LOXL3: variants seen among roughly 807,000 people sequenced by gnomAD.
LOXL3 encodes lysyl oxidase like 3.
Under a neutral mutation model 91.8 loss-of-function variants are expected in LOXL3, and 60 were observed. The observed-to-expected ratio is 0.65, with a 90% CI of 0.53 to 0.81. The LOEUF is 0.81. LOXL3 is among the 30% of genes least tolerant of loss of function. The probability of loss-of-function intolerance (pLI) is 0.00; values close to 1 mark genes in which losing one functional copy is unlikely to be tolerated. For synonymous variants in LOXL3, 355 were observed against 387.6 expected, an observed-to-expected ratio of 0.92 and a Z score of 0.99; for missense variants, 874 against 1,000.4, an observed-to-expected ratio of 0.87 and a Z score of 1.70.
At position 74,536,770 on chromosome 2, in the gene LOXL3, C is replaced by T. The variant is rs750858016; in HGVS notation, c.851G>A (p.Gly284Asp). ...GCCACTGGATGCCGCGTAGACAGGG[C>T]CTGGCACACAGCTCACCACTGCAGG... ...GGPAVVSCVP[G>D]PVYAASSGQK... is the part of the protein sequence containing the mutation. The change falls in exon 5 of 14, where the codon GGC (glycine) becomes GAC (aspartate). Residue 284 changes from glycine (G) to aspartate (D), a missense_variant. Physicochemically the swap from Gly to Asp is moderately conservative, Grantham distance 94. Transcript: ENST00000264094. The surrounding 1 kb of genome is among the most constrained non-coding windows in gnomAD (Gnocchi z 4.5). The T allele has an allele frequency of 6.2e-7, 1 of 1,614,182 alleles. No homozygotes were observed. The highest frequency in any genetic ancestry group is 2.2e-5 in the East Asian group (1 of 44,872).
chr2:74,542,518 ATG>A (rs946316727), intron 4 of LOXL3, among the ~76,000 whole-genome samples: 10 of 151,334 alleles, frequency 6.6e-5, no homozygotes, highest in African/African-American at 2.4e-4. Context: ...ACTCCTACAC[ATG>A]CACACACACA....
Position 74,533,607 on chromosome 2 carries a change from T to TA in LOXL3, c.2260dup (p.Ter754LeufsTer63). 4 of 1,613,980 alleles carry TA rather than the reference T, an allele frequency of 2.5e-6. No homozygotes were observed. Among genetic ancestry groups the TA allele is most frequent in the Non-Finnish European group, 3.4e-6 (4 of 1,179,928 alleles). On this transcript the variant is annotated frameshift_variant and stop_lost, in exon 14 of 14. Coordinates refer to ENST00000264094, the MANE Select transcript of LOXL3 (RefSeq NM_032603.5). LOFTEE classifies it high-confidence loss of function. Reference sequence around the variant, plus strand: ...GTGGTTTGCAGAGGGCAGTGGCACTTAGATAATCTGGTTGCTGGTCTGGCC... The same window carrying TA: ...GTGGTTTGCAGAGGGCAGTGGCACTTAAGATAATCTGGTTGCTGGTCTGGCC...
In LOXL3 at chr2:74,535,585, C is replaced by T. The variant is rs759487056; in HGVS notation, c.1416+3G>A. On this transcript the variant is annotated splice_donor_region_variant and intron_variant, in intron 8 of 13. Coordinates refer to ENST00000264094, the MANE Select transcript of LOXL3 (RefSeq NM_032603.5). The surrounding 1 kb of genome is among the most constrained non-coding windows in gnomAD (Gnocchi z 4.2). Reference sequence around the variant, plus strand: ...CCTCGGCTCCCCTTTCCTTCCCACTCACCTGCAGGCCGTGGTTGGCGTAGC... The same window carrying T: ...CCTCGGCTCCCCTTTCCTTCCCACTTACCTGCAGGCCGTGGTTGGCGTAGC... 6.2e-7 allele frequency: 1 copy of T among 1,613,936 alleles called. No individual in the cohort carries two copies. The highest frequency in any genetic ancestry group is 8.5e-7 in the Non-Finnish European group (1 of 1,180,034).
rs772619628 is a variant in LOXL3 at position 74,533,916 on chromosome 2, A to T, written c.2154T>A (p.Asp718Glu). The change falls in exon 13 of 14, where the codon GAT becomes GAA. Residue 718 changes from aspartate to glutamate, a missense_variant. Asp to Glu is a conservative substitution (Grantham distance 45). Coordinates refer to ENST00000264094, the MANE Select transcript of LOXL3 (RefSeq NM_032603.5). ...NNAMKCNCKYDGHRIWVHNCH... is the reference protein window; with the variant it reads ...NNAMKCNCKYEGHRIWVHNCH... ...AGTTGTGCACCCAGATTCTATGTCC[A>T]TCATATTTGCAGTTACATTTCATTG... 6.2e-7 allele frequency: 1 copy of T among 1,614,128 alleles called. No homozygotes were observed. The highest frequency in any genetic ancestry group is 2.2e-5 in the East Asian group (1 of 44,884).
chr2:74,547,428 C>A (rs1398381596), intron 4 of LOXL3, among the ~76,000 whole-genome samples: 1 of 152,190 alleles, frequency 6.6e-6, no homozygotes, highest in Non-Finnish European at 1.5e-5. Flanking sequence ...AAATTCTACG[C>A]ATCTTTCAGA....
rs139155374 is a variant in LOXL3 at position 74,550,797 on chromosome 2, C to T, written c.314-449G>A. ...CTTGCTTAAGACCATAAAGCCAATA[C>T]GTGGGGGCTTAGGAGTTTGATCTAT... On this transcript the variant is annotated intron_variant, in intron 2 of 13. Transcript: ENST00000264094. Among the ~76,000 whole-genome samples the T allele has an allele frequency of 2.8e-3, 428 of 152,248 alleles. 1 individual carries two copies. The highest frequency in any genetic ancestry group is 9.5e-3 in the African/African-American group (395 of 41,536).
upstream of LOXL3, chr2:74,555,193 C>T (rs1677344731): frequency 6.2e-7 from 1 of 1,613,328 alleles, no homozygotes; most frequent in South Asian, 1.1e-5. This position sits in a 1 kb window ranked among gnomAD's most constrained non-coding sequence, Gnocchi z 6.1. Flanking sequence ...CCCGGCCAGT[C>T]CCCACGGCGT....
At chr2:74,552,802 A>G in intron 1 of LOXL3, 156 bp from the exon 2 acceptor site, 1 of 653,654 alleles carries the variant, frequency 1.5e-6, no homozygotes, top group Non-Finnish European at 2.6e-6. Context: ...GGACCAAGAG[A>G]CAGGGAGAGA....
In LOXL3 at chr2:74,534,734, C is replaced by G. The variant is rs1675892323; in HGVS notation, c.1620G>C (p.Glu540Asp). The change falls in exon 10 of 14, where the codon GAG becomes GAC. Residue 540 changes from glutamate to aspartate, a missense_variant. By Grantham distance (45) the Glu-to-Asp change is conservative (BLOSUM62 2). Coordinates refer to ENST00000264094, the MANE Select transcript of LOXL3 (RefSeq NM_032603.5). ...GGGGCCGGTCTTCGATGTAGGCGGT[C>G]TCCTGCACCAGTGCTGAGTGCAGCA... is the stretch of plus-strand genomic sequence containing the variant. ...DLLLHSALVQ[E>D]TAYIEDRPLH... 1.9e-6 allele frequency: 3 copies of G among 1,614,140 alleles called. No homozygotes were observed. The highest frequency in any genetic ancestry group is 2.5e-6 in the Non-Finnish European group (3 of 1,180,046).
intron 2 of LOXL3, 111 bp downstream of exon 2, chr2:74,552,211 G>T: frequency 2.1e-6 from 2 of 954,310 alleles, no homozygotes; most frequent in Non-Finnish European, 1.6e-6. Flanking sequence ...ACTCAATGCT[G>T]GCTGTTCTTG....
Position 74,534,227 on chromosome 2 carries a change from T to G in LOXL3, c.1949A>C (p.Lys650Thr), listed in dbSNP as rs551992223. 2 of 1,614,168 alleles carry G rather than the reference T, an allele frequency of 1.2e-6. No individual in the cohort carries two copies. Among genetic ancestry groups the G allele is most frequent in the Admixed American group, 1.7e-5 (1 of 60,014 alleles). ...EDTECQEDVS[K>T]RYECANFGEQ... ...TCCAAAGTTGGCACACTCATACCGC[T>G]TGGAGACATCTGGAGGGATTGGCAT... is the stretch of plus-strand genomic sequence containing the variant. Residue 650 changes from lysine (K) to threonine (T), a missense_variant, in exon 12 of 14, where the codon AAG (lysine) becomes ACG (threonine). By Grantham distance (78) the Lys-to-Thr change is moderately conservative. Coordinates refer to ENST00000264094, the MANE Select transcript of LOXL3 (RefSeq NM_032603.5).
In LOXL3 at chr2:74,533,626, T is replaced by C. The variant is rs1675788415; in HGVS notation, c.2242A>G (p.Thr748Ala). 1 of 1,613,976 alleles carries C rather than the reference T, an allele frequency of 6.2e-7. No homozygotes were observed. Among genetic ancestry groups the C allele is most frequent in the African/African-American group, 1.3e-5 (1 of 74,900 alleles). The change falls in exon 14 of 14, where the codon ACC becomes GCC. Residue 748 changes from threonine to alanine, a missense_variant. Physicochemically the swap from Thr to Ala is moderately conservative, Grantham distance 58 (BLOSUM62 0). Coordinates refer to ENST00000264094, the MANE Select transcript of LOXL3 (RefSeq NM_032603.5). ...NRRFERYPGQTSNQII is the reference protein window; with the variant it reads ...NRRFERYPGQASNQII The stretch of plus-strand genomic sequence containing the variant: ...GGCACTTAGATAATCTGGTTGCTGG[T>C]CTGGCCAGGGTAGCGTTCAAACCTC...
At position 74,536,159 on chromosome 2, in the gene LOXL3, A is replaced by G. The variant is rs1676008038; in HGVS notation, c.1094-9T>C. On this transcript the variant is annotated splice_polypyrimidine_tract_variant and intron_variant, in intron 6 of 13. Transcript: ENST00000264094. The surrounding 1 kb of genome is among the most constrained non-coding windows in gnomAD (Gnocchi z 4.5). ...GTGGATAGCACCCATGCCTAGGGCC[A>G]GATGGCAAAGATCAGGAAGTTGTAA... The G allele has an allele frequency of 1.9e-6, 3 of 1,613,310 alleles. No homozygotes were observed. The highest frequency in any genetic ancestry group is 2.5e-6 in the Non-Finnish European group (3 of 1,180,020).
rs756503932 is a variant in LOXL3, at chr2:74,534,249, GC to G, written c.1940-14del. 1.2e-5 allele frequency: 20 copies of G among 1,614,080 alleles called. No homozygotes were observed. Among genetic ancestry groups the G allele is most frequent in the Non-Finnish European group, 6.8e-6 (8 of 1,180,036 alleles). ...CGCTTGGAGACATCTGGAGGGATTG[GC>G]ATATGTCAGTGTAAGGAAAGGCTGT... On this transcript the variant is annotated splice_polypyrimidine_tract_variant and intron_variant, in intron 11 of 13. Coordinates refer to ENST00000264094, the MANE Select transcript of LOXL3 (RefSeq NM_032603.5).
At chr2:74,542,626 CTT>C (rs1188624876) in intron 4 of LOXL3, among the ~76,000 whole-genome samples, 11 of 140,894 alleles carry the variant, frequency 7.8e-5, no homozygotes, top group African/African-American at 2.6e-5. Flanking sequence ...TCTCTTCCTA[CTT>C]TTTTTTTTTT....
In LOXL3 at chr2:74,536,248, A is replaced by C. The variant is rs749492370; in HGVS notation, c.1093+43T>G. On this transcript the variant is annotated intron_variant, in intron 6 of 13. Coordinates refer to ENST00000264094, the MANE Select transcript of LOXL3 (RefSeq NM_032603.5). The surrounding 1 kb of genome is among the most constrained non-coding windows in gnomAD (Gnocchi z 4.5). ...CCGAAGGAATATGCCCCCCAGGAGC[A>C]TGTACCTCCTTCCCTCTCCCTCCCA... 2.5e-6 allele frequency: 4 copies of C among 1,611,810 alleles called. No homozygotes were observed. In the Admixed American group the frequency reaches 6.7e-5, roughly 27 times the overall value.
chr2:74,543,899 T>TAAA (rs1352260802), intron 4 of LOXL3, among the ~76,000 whole-genome samples: 1 of 49,330 alleles, frequency 2.0e-5, no homozygotes, highest in Admixed American at 2.1e-4. Flanking sequence ...AGGCTCTGTC[T>TAAA]CAAAAAAAAA....
Position 74,534,206 on chromosome 2 carries a change from A to G in LOXL3, c.1970T>C (p.Phe657Ser). ...DVSKRYECANFGEQGITVGCW... is the reference protein window; with the variant it reads ...DVSKRYECANSGEQGITVGCW... ...ACCCACAGTGATGCCTTGCTCTCCA[A>G]AGTTGGCACACTCATACCGCTTGGA... Residue 657 changes from phenylalanine to serine, a missense_variant, in exon 12 of 14, where the codon TTT becomes TCT. Coordinates refer to ENST00000264094, the MANE Select transcript of LOXL3 (RefSeq NM_032603.5). The G allele has an allele frequency of 6.2e-7, 1 of 1,614,156 alleles. No homozygotes were observed. The highest frequency in any genetic ancestry group is 8.5e-7 in the Non-Finnish European group (1 of 1,180,020).
chr2:74,543,706 C>T (rs970257409), intron 4 of LOXL3, among the ~76,000 whole-genome samples: 1 of 151,628 alleles, frequency 6.6e-6, no homozygotes, highest in Non-Finnish European at 1.5e-5. Context: ...GCCTGGGCAA[C>T]ATGGAGAAAC....
Sources: gnomAD v4.1 joint callset for allele counts (sites outside exome capture counted in the v4.1 genomes callset) on GRCh38, gnomAD v4.1.1 for gene constraint, Gnocchi (gnomAD v3.1) non-coding constraint, MANE v1.5 for transcripts, NCBI Gene and HGNC (gene_info 2026-07-23, HGNC 2026-07-21) for gene names.